STPG2: variants seen among roughly 807,000 people sequenced by gnomAD.
STPG2 encodes the protein sperm tail PG-rich repeat containing 2, also known as sperm-tail PG-rich repeat-containing protein 2.
A neutral mutation model predicts 54.2 loss-of-function variants in STPG2; 56 were observed. The observed-to-expected ratio is 1.03, with a 90% CI of 0.83 to 1.29. The LOEUF (loss-of-function observed/expected upper bound fraction) is 1.29, where lower values mean the gene tolerates loss of function less well. Ranked by LOEUF, STPG2 falls within the 50% of genes most tolerant of loss-of-function variation. STPG2 has a pLI of 0.00. For synonymous variants in STPG2, 200 were observed against 181.8 expected, an observed-to-expected ratio of 1.10 and a Z score of -0.81; for missense variants, 596 against 544.9, an observed-to-expected ratio of 1.09 and a Z score of -0.93.
chr4:97,558,218 G>A (rs1732126764), downstream of STPG2, among the ~76,000 whole-genome samples: 1 of 152,274 alleles, frequency 6.6e-6, no homozygotes. Flanking sequence ...GAATGAATGT[G>A]CCAGTCTGGG....
intron 7 of STPG2, among the ~76,000 whole-genome samples, chr4:97,947,551 A>T (rs1454905988): frequency 6.6e-6 from 1 of 151,998 alleles, no homozygotes; most frequent in Non-Finnish European, 1.5e-5. Context: ...TTTGTCATAG[A>T]TGGTGTCTAT....
chr4:98,089,222 A>G (rs1435961997), intron 5 of STPG2, among the ~76,000 whole-genome samples: 3 of 152,006 alleles, frequency 2.0e-5, no homozygotes, highest in Non-Finnish European at 4.4e-5. Context: ...TTACCCTCTG[A>G]GTCCCCAAAG....
chr4:97,560,819 A>C (rs1467113888), intron 10 of STPG2, among the ~76,000 whole-genome samples: 2 of 152,142 alleles, frequency 1.3e-5, no homozygotes, highest in Non-Finnish European at 2.9e-5. Context: ...AGTAAAATTG[A>C]GGGGAGGGGG....
At chr4:97,505,300 T>C (rs1730820446) in intron 4 of STPG2, among the ~76,000 whole-genome samples, 1 of 152,004 alleles carries the variant, frequency 6.6e-6, no homozygotes, top group African/African-American at 2.4e-5. Context: ...CCTCAGGTGA[T>C]GTTTGCTTAC....
chr4:97,635,413 T>C (rs552722772), intron 10 of STPG2, among the ~76,000 whole-genome samples: 1 of 152,206 alleles, frequency 6.6e-6, no homozygotes, highest in African/African-American at 2.4e-5. Flanking sequence ...CCATTGAGAC[T>C]AGGAAGAAAC....
At chr4:97,898,407 C>T (rs1201715187) in intron 8 of STPG2, among the ~76,000 whole-genome samples, 2 of 151,664 alleles carry the variant, frequency 1.3e-5, no homozygotes, top group Admixed American at 1.3e-4. Flanking sequence ...ATAAGAAACT[C>T]TCAAAAATCC....
intron 9 of STPG2, among the ~76,000 whole-genome samples, chr4:97,828,923 A>C (rs111593524): frequency 0.012 from 1,851 of 152,214 alleles, 35 homozygotes; most frequent in African/African-American, 0.042. Flanking sequence ...AGCAGCTGGG[A>C]GGAAGGGGTG....
chr4:97,830,023 A>C (rs374881133), intron 9 of STPG2, among the ~76,000 whole-genome samples: 1 of 152,174 alleles, frequency 6.6e-6, no homozygotes, highest in South Asian at 2.1e-4. Context: ...AATACAGAGA[A>C]CACCACAAAG....
chr4:97,891,159 C>A (rs1730757122), intron 8 of STPG2, among the ~76,000 whole-genome samples: 1 of 152,028 alleles, frequency 6.6e-6, no homozygotes, highest in Non-Finnish European at 1.5e-5. Context: ...GCACGCATTA[C>A]TTTGCTAGAG....
At chr4:97,573,146 C>A (rs909450234) in intron 10 of STPG2, among the ~76,000 whole-genome samples, 1 of 151,958 alleles carries the variant, frequency 6.6e-6, no homozygotes, top group Non-Finnish European at 1.5e-5. Flanking sequence ...TAATTTTCTT[C>A]TTTACCTCAA....
chr4:97,660,025 C>T (rs1457022805), intron 10 of STPG2, among the ~76,000 whole-genome samples: 4 of 144,306 alleles, frequency 2.8e-5, no homozygotes, highest in African/African-American at 7.7e-5. Flanking sequence ...TTTTTTGAGA[C>T]GGAGTCTCGC....
At chr4:97,940,926 C>T (rs578104397) in intron 8 of STPG2, among the ~76,000 whole-genome samples, 1 of 152,154 alleles carries the variant, frequency 6.6e-6, no homozygotes, top group South Asian at 2.1e-4. Context: ...TCATCTTTGT[C>T]TTTATGTCAC....
At chr4:97,538,145 C>G (rs1032374469) in intron 4 of STPG2, among the ~76,000 whole-genome samples, 10 of 152,206 alleles carry the variant, frequency 6.6e-5, no homozygotes, top group African/African-American at 2.4e-4. Flanking sequence ...GCCTCTCCTC[C>G]TCCAAAGGAA....
chr4:97,550,848 T>G (rs1438682281), intron 4 of STPG2, among the ~76,000 whole-genome samples: 1 of 152,048 alleles, frequency 6.6e-6, no homozygotes, highest in Non-Finnish European at 1.5e-5. Flanking sequence ...CTTCCGGAGT[T>G]GTTTTTTCCT....
intron 5 of STPG2, among the ~76,000 whole-genome samples, chr4:98,052,783 G>GA (rs1737363441): frequency 2.0e-5 from 3 of 152,120 alleles, no homozygotes; most frequent in African/African-American, 7.2e-5. Context: ...TTGAACCAAT[G>GA]ACCCATTCTG....
chr4:97,945,401 T>G (rs1312305274), intron 7 of STPG2, among the ~76,000 whole-genome samples: 2 of 152,202 alleles, frequency 1.3e-5, no homozygotes, highest in Non-Finnish European at 2.9e-5. Flanking sequence ...TATTCTTTTT[T>G]ATGGCTGAGT....
chr4:97,898,085 G>A (rs1731029520), intron 8 of STPG2, among the ~76,000 whole-genome samples: 1 of 151,956 alleles, frequency 6.6e-6, no homozygotes, highest in East Asian at 1.9e-4. Context: ...TTTGATTATG[G>A]CGTAAGGAAG....
intron 5 of STPG2, among the ~76,000 whole-genome samples, chr4:98,040,767 T>C (rs1459199798): frequency 6.6e-6 from 1 of 151,980 alleles, no homozygotes; most frequent in East Asian, 1.9e-4. Flanking sequence ...TGTCTCCTGC[T>C]TTGTTCCTTT....
chr4:98,011,550 T>C (rs1735751399), intron 5 of STPG2, among the ~76,000 whole-genome samples: 4 of 152,192 alleles, frequency 2.6e-5, no homozygotes, highest in East Asian at 1.9e-4. Flanking sequence ...TCTCCCACAA[T>C]GGTTAAACTA....
Sources: allele counts gnomAD v4.1 joint callset (sites outside exome capture counted in the v4.1 genomes callset), GRCh38; gene constraint gnomAD v4.1.1; transcripts MANE v1.5; gene names NCBI Gene and HGNC (gene_info 2026-07-23, HGNC 2026-07-21).